The following TNRC6C variants were observed in gnomAD, a reference collection of about 807,000 sequenced individuals.
TNRC6C encodes trinucleotide repeat-containing gene 6C protein.
TNRC6C carries 20 observed loss-of-function variants against 153.7 expected under a neutral mutation model. The observed-to-expected ratio is 0.13, with a 90% confidence interval of 0.09 to 0.19. The LOEUF (loss-of-function observed/expected upper bound fraction) is 0.19. Ranked by LOEUF, TNRC6C falls within the 10% of genes least tolerant of loss-of-function variation. The pLI, the probability that TNRC6C is intolerant of heterozygous loss-of-function variation, is 1.00. For synonymous variants in TNRC6C, 811 were observed against 841.4 expected, an observed-to-expected ratio of 0.96 and a Z score of 0.63; for missense variants, 1,987 against 2,172.0, an observed-to-expected ratio of 0.91 and a Z score of 1.69.
At chr17:78,097,812 C>T (rs181339522) in intron 16 of TNRC6C, 40 of 1,550,924 alleles carry the variant, frequency 2.6e-5, no homozygotes, top group South Asian at 1.5e-4. Context: ...TCAGTGCCTC[C>T]GGCTACAGTA....
intron 18 of TNRC6C, among the ~76,000 whole-genome samples, chr17:78,103,068 G>A (rs945863693): frequency 1.3e-5 from 2 of 152,190 alleles, no homozygotes; most frequent in African/African-American, 4.8e-5. Context: ...CCACCTGCAC[G>A]TCTCCCAAGT....
intron 1 of TNRC6C, among the ~76,000 whole-genome samples, chr17:77,976,972 C>T (rs554427850): frequency 2.0e-5 from 3 of 148,780 alleles, no homozygotes; most frequent in East Asian, 2.0e-4. Context: ...TTGGTTTCCC[C>T]TTCATTTTAC....
chr17:78,014,509 C>T (rs935083343), intron 1 of TNRC6C, among the ~76,000 whole-genome samples: 1 of 151,862 alleles, frequency 6.6e-6, no homozygotes, highest in Non-Finnish European at 1.5e-5. Context: ...ATACATAGTA[C>T]ATTTTCTTAC....
At chr17:78,060,105 C>A (rs2072737885) in intron 3 of TNRC6C, among the ~76,000 whole-genome samples, 1 of 152,050 alleles carries the variant, frequency 6.6e-6, no homozygotes, top group Non-Finnish European at 1.5e-5. Flanking sequence ...AAACAGAGTC[C>A]CCTGACTTTG....
chr17:78,043,820 T>C (rs1029795628), intron 2 of TNRC6C, among the ~76,000 whole-genome samples: 1 of 152,226 alleles, frequency 6.6e-6, no homozygotes, highest in Non-Finnish European at 1.5e-5. Context: ...ATGCAAAGCT[T>C]GTCTTCATGT....
At chr17:78,045,196 A>G (rs187946881) in intron 2 of TNRC6C, among the ~76,000 whole-genome samples, 3 of 152,348 alleles carry the variant, frequency 2.0e-5, no homozygotes, top group African/African-American at 7.2e-5. Flanking sequence ...AGTTATTTAC[A>G]GTAATCCAGT....
At chr17:78,048,766 C>T (rs2072459807) in intron 2 of TNRC6C, 79 bp from the exon 5 acceptor site, 1 of 1,202,910 alleles carries the variant, frequency 8.3e-7, no homozygotes, top group Non-Finnish European at 1.0e-6. Context: ...TAAAGAGCTT[C>T]CCCAAAGACT....
rs1009788960 is a variant in TNRC6C, at chr17:78,079,505, T to C, written c.3321T>C (p.Ser1107=). 1.6e-5 allele frequency: 26 copies of C among 1,613,670 alleles called. No individual in the cohort carries two copies. Among genetic ancestry groups the C allele is most frequent in the Non-Finnish European group, 2.2e-5 (26 of 1,179,874 alleles). ...AGCCTCTTAACTCTTCCCAGCCCAG[T>C]CTCCGTGCTCAAGTGCCTCAGTTTC... The change falls in exon 10 of 20, where the codon AGT becomes AGC. Residue 1107 remains serine, a synonymous_variant. Coordinates refer to ENST00000301624, the Ensembl canonical transcript of TNRC6C. The surrounding 1 kb of genome is among the most constrained non-coding windows in gnomAD (Gnocchi z 4.3).
At chr17:78,043,754 T>C (rs1005497540) in intron 2 of TNRC6C, among the ~76,000 whole-genome samples, 1 of 151,994 alleles carries the variant, frequency 6.6e-6, no homozygotes, top group African/African-American at 2.4e-5. Flanking sequence ...CTTCCTAGCC[T>C]CTATCTTCAT....
chr17:78,000,958 A>C (rs1022308734), upstream of TNRC6C, among the ~76,000 whole-genome samples: 1 of 152,130 alleles, frequency 6.6e-6, no homozygotes, highest in South Asian at 2.1e-4. Flanking sequence ...CTCTTTCTCC[A>C]TCAGAACCTC....
intron 1 of TNRC6C, among the ~76,000 whole-genome samples, chr17:77,960,158 C>T (rs1391676979): frequency 1.3e-5 from 2 of 152,188 alleles, no homozygotes; most frequent in African/African-American, 4.8e-5. Flanking sequence ...GTGGAGTTGT[C>T]TCAAACCTTT....
intron 6 of TNRC6C, among the ~76,000 whole-genome samples, chr17:78,071,516 G>C (rs1247415472): frequency 1.3e-5 from 2 of 152,006 alleles, no homozygotes; most frequent in Admixed American, 1.3e-4. Context: ...CTCCCGAGTA[G>C]AGCTGGGACT....
At chr17:78,059,014 C>T (rs999030210) in intron 3 of TNRC6C, among the ~76,000 whole-genome samples, 1 of 152,132 alleles carries the variant, frequency 6.6e-6, no homozygotes, top group African/African-American at 2.4e-5. Context: ...AAGCTTCTAC[C>T]TAAAAAGATG....
intron 1 of TNRC6C, among the ~76,000 whole-genome samples, chr17:77,980,565 T>G (rs780161944): frequency 5.3e-5 from 8 of 152,166 alleles, no homozygotes; most frequent in Admixed American, 3.9e-4. Flanking sequence ...GCTGTGGATA[T>G]CAGGTGGGTA....
intron 1 of TNRC6C, among the ~76,000 whole-genome samples, chr17:77,984,596 A>G (rs1234251473): frequency 6.6e-6 from 1 of 152,228 alleles, no homozygotes; most frequent in South Asian, 2.1e-4. Flanking sequence ...GCAGGCTGGC[A>G]TAGGAGAGCC....
At chr17:78,002,635 G>A (rs1260349498), upstream of TNRC6C, among the ~76,000 whole-genome samples, 1 of 152,208 alleles carries the variant, frequency 6.6e-6, no homozygotes, top group Non-Finnish European at 1.5e-5. Context: ...GCCCACACCT[G>A]TAATCCCAGC....
chr17:78,021,914 A>C, intron 1 of TNRC6C, among the ~76,000 whole-genome samples: 1 of 152,204 alleles, frequency 6.6e-6, no homozygotes, highest in Non-Finnish European at 1.5e-5. Flanking sequence ...ATACCTACAT[A>C]AGACTTTGGG....
intron 1 of TNRC6C, among the ~76,000 whole-genome samples, chr17:77,989,090 A>G (rs974062704): frequency 2.0e-5 from 3 of 152,226 alleles, no homozygotes; most frequent in Non-Finnish European, 4.4e-5. Flanking sequence ...GTCACTTAAC[A>G]CAATGTTACT....
intron 13 of TNRC6C, among the ~76,000 whole-genome samples, chr17:78,090,944 G>A (rs1278906748): frequency 2.6e-5 from 4 of 152,122 alleles, no homozygotes; most frequent in Non-Finnish European, 4.4e-5. Flanking sequence ...ATGAGTTTCC[G>A]TAAGATATCC....
Sources: allele counts gnomAD v4.1 joint callset (sites outside exome capture counted in the v4.1 genomes callset), GRCh38; gene constraint gnomAD v4.1.1; non-coding constraint Gnocchi (gnomAD v3.1); transcripts MANE v1.5; gene names NCBI Gene and HGNC (gene_info 2026-07-23, HGNC 2026-07-21).